The following BICRA variants were observed in gnomAD, a reference collection of about 807,000 sequenced individuals.
BICRA encodes BRD4 interacting chromatin remodeling complex associated protein, also known as BRD4-interacting chromatin-remodeling complex-associated protein.
In BICRA, 31 loss-of-function variants were observed where a neutral mutation model predicts 96.9. The ratio of observed to expected loss-of-function variants is 0.32; its 90% CI spans 0.24 to 0.43. The LOEUF (loss-of-function observed/expected upper bound fraction) is 0.43, where lower values mean the gene tolerates loss of function less well. BICRA is among the 20% of genes least tolerant of loss of function. BICRA has a pLI of 1.00. For missense variants in BICRA, 2,283 were observed against 2,190.3 expected (o/e 1.04, Z -0.84); for synonymous variants, 1,350 against 1,071.8 (o/e 1.26, Z -5.07).
intron 5 of BICRA, among the ~76,000 whole-genome samples, chr19:47,678,736 GTTTT>G (rs112732019): frequency 2.6e-5 from 4 of 151,178 alleles, no homozygotes; most frequent in Non-Finnish European, 5.9e-5. Flanking sequence ...TTGAACAGTA[GTTTT>G]TTTTATTACA....
intron 7 of BICRA, among the ~76,000 whole-genome samples, chr19:47,685,786 T>TGTGTGCGCGCGCACGC: frequency 8.5e-6 from 1 of 117,930 alleles, no homozygotes; most frequent in Non-Finnish European, 1.7e-5. Flanking sequence ...TGTGTGTGTG[T>TGTGTGCGCGCGCACGC]GCGCGCGCGC....
intron 1 of BICRA, among the ~76,000 whole-genome samples, chr19:47,660,789 A>G (rs1972692336): frequency 1.3e-5 from 2 of 152,190 alleles, no homozygotes; most frequent in Admixed American, 6.5e-5. Flanking sequence ...GCTGGGTTCA[A>G]ATCCTGGCTC....
intron 1 of BICRA, among the ~76,000 whole-genome samples, chr19:47,641,523 ACCTGTGGT>A (rs1241636863): frequency 2.6e-5 from 4 of 152,018 alleles, no homozygotes; most frequent in Non-Finnish European, 5.9e-5. Flanking sequence ...TTAGAATCTC[ACCTGTGGT>A]CCTAGCTACT....
At chr19:47,671,126 C>G (rs894344233) in intron 2 of BICRA, among the ~76,000 whole-genome samples, 2 of 152,160 alleles carry the variant, frequency 1.3e-5, no homozygotes, top group Non-Finnish European at 2.9e-5. Context: ...ATGAAACATG[C>G]GTGTGTCATT....
Position 47,701,023 on chromosome 19 carries a change from C to G in BICRA, c.3596-305C>G, listed in dbSNP as rs375990962. 2.3e-6 allele frequency: 1 copy of G among 433,212 alleles called. No individual in the cohort carries two copies. The allele number at this position is 433,212 out of a possible 1,614,324, so 26.8% of individuals were successfully genotyped here. On this transcript the variant is annotated intron_variant, in intron 14 of 14. Transcript: ENST00000594866. The surrounding 1 kb of genome is among the most constrained non-coding windows in gnomAD (Gnocchi z 5.4). Reference sequence around the variant, plus strand: ...AAACTCCTGGGCTCAAGCGATCCCCCTCCCTTGGCCTCCCAAAGTGCTGGG... The same window carrying G: ...AAACTCCTGGGCTCAAGCGATCCCCGTCCCTTGGCCTCCCAAAGTGCTGGG...
At chr19:47,608,865 G>T (rs1293876427), upstream of BICRA, among the ~76,000 whole-genome samples, 6 of 144,464 alleles carry the variant, frequency 4.2e-5, no homozygotes, top group African/African-American at 1.2e-4. Context: ...GAGGAAGGGG[G>T]TGGGGGGCGG....
intron 1 of BICRA, among the ~76,000 whole-genome samples, chr19:47,642,701 CAAAAA>C (rs2123536965): frequency 6.6e-6 from 1 of 151,320 alleles, no homozygotes; most frequent in Middle Eastern, 3.4e-3. Flanking sequence ...GACCCTGTCT[CAAAAA>C]GAAAAGAAAA....
At chr19:47,619,407 C>T (rs985916588) in intron 1 of BICRA, among the ~76,000 whole-genome samples, 7 of 151,796 alleles carry the variant, frequency 4.6e-5, no homozygotes, top group Non-Finnish European at 5.9e-5. Flanking sequence ...TATAGGCGCC[C>T]GCCACCACGC....
chr19:47,694,480 C>A lies in BICRA; in HGVS notation c.2649C>A (p.Ser883=). The change falls in exon 8 of 15, where the codon TCC becomes TCA. Residue 883 remains serine (S), a synonymous_variant. Coordinates refer to ENST00000594866, the MANE Select transcript of BICRA (RefSeq NM_001394372.1). ...LPPAPHLPPS[S]TSSAVASSSE... ...CAGCCCCCCACCTCCCTCCATCCTC[C>A]ACCTCCTCTGCTGTGGCCTCCTCCT... 6.7e-7 allele frequency: 1 copy of A among 1,487,610 alleles called. No homozygotes were observed. The highest frequency in any genetic ancestry group is 9.3e-7 in the Non-Finnish European group (1 of 1,070,934). The allele number at this position is 1,487,610 out of a possible 1,614,324, so 92.2% of individuals were successfully genotyped here.
intron 1 of BICRA, among the ~76,000 whole-genome samples, chr19:47,667,212 G>A (rs1972794436): frequency 6.6e-6 from 1 of 152,016 alleles, no homozygotes; most frequent in Non-Finnish European, 1.5e-5. Context: ...TAGAGACGGG[G>A]TTTCACCATT....
intron 1 of BICRA, among the ~76,000 whole-genome samples, chr19:47,670,054 C>T (rs1378658680): frequency 1.3e-5 from 2 of 152,028 alleles, no homozygotes; most frequent in African/African-American, 2.4e-5. Context: ...TGGGCTCAAG[C>T]GATTCTCCTG....
chr19:47,698,586 T>TTCCCC lies in BICRA; in HGVS notation c.3249-48_3249-47insTCCCC. 2.8e-6 allele frequency: 2 copies of TTCCCC among 716,702 alleles called. No individual in the cohort carries two copies. The highest frequency in any genetic ancestry group is 5.7e-5 in the East Asian group (2 of 34,894). The allele number at this position is 716,702 out of a possible 1,614,324, so 44.4% of individuals were successfully genotyped here. A position where few individuals can be genotyped will look rare whatever the true frequency, so the allele number is the denominator to read the frequency against. ...AGGGACTTCCCCTGGCCCTCACCCGTCCCCCCCACCCTCCGCCGTGTGTGG... is the reference window on the plus strand; with the variant it reads ...AGGGACTTCCCCTGGCCCTCACCCGTTCCCCCCCCCCCACCCTCCGCCGTGTGTGG... On this transcript the variant is annotated intron_variant, in intron 11 of 14. Coordinates refer to ENST00000594866, the MANE Select transcript of BICRA (RefSeq NM_001394372.1). The surrounding 1 kb of genome is among the most constrained non-coding windows in gnomAD (Gnocchi z 4.8).
At chr19:47,673,501 G>A (rs1972896179) in intron 2 of BICRA, 69 bp from the exon 3 acceptor site, 5 of 1,269,572 alleles carry the variant, frequency 3.9e-6, no homozygotes, top group Admixed American at 3.4e-5. Flanking sequence ...CCTGAAGGGA[G>A]GGGGCCAGGC....
chr19:47,635,021 C>G (rs1026886589), intron 1 of BICRA, among the ~76,000 whole-genome samples: 5 of 152,130 alleles, frequency 3.3e-5, no homozygotes, highest in Non-Finnish European at 7.4e-5. Flanking sequence ...CTTGGCCTCC[C>G]AAAGTGCTGG....
rs1973442787 is a variant in BICRA at position 47,701,449 on chromosome 19, TCCA to T, written c.3719_3721del (p.Pro1240del). 1.9e-6 allele frequency: 3 copies of T among 1,568,836 alleles called. No homozygotes were observed. Among genetic ancestry groups the T allele is most frequent in the Non-Finnish European group, 2.6e-6 (3 of 1,158,430 alleles). On this transcript the variant is annotated inframe_deletion, in exon 15 of 15. Coordinates refer to ENST00000594866, the MANE Select transcript of BICRA (RefSeq NM_001394372.1). This position sits in a 1 kb window ranked among gnomAD's most constrained non-coding sequence, Gnocchi z 5.4. ...CTCCCGGGGCCTCCACCCAGCCCCCTCCACACCTGCCCACCAAGCTTGTGATCC... is the reference window on the plus strand; with the variant it reads ...CTCCCGGGGCCTCCACCCAGCCCCCTCACCTGCCCACCAAGCTTGTGATCC...
Position 47,699,242 on chromosome 19 carries a change from G to A in BICRA, c.3493-61G>A. On this transcript the variant is annotated intron_variant, in intron 13 of 14. Transcript: ENST00000594866. This position sits in a 1 kb window ranked among gnomAD's most constrained non-coding sequence, Gnocchi z 5.0. ...GGACCTTGCACGCATCGTCCCCGTC[G>A]CTCGCGCCCCTTCCCCCTTCTTGCT... 3.0e-6 allele frequency: 3 copies of A among 1,001,704 alleles called. No homozygotes were observed. The highest frequency in any genetic ancestry group is 1.4e-5 in the South Asian group (1 of 72,666). The allele number at this position is 1,001,704 out of a possible 1,614,324, so 62.1% of individuals were successfully genotyped here.
chr19:47,673,514 G>A lies in BICRA; in HGVS notation c.-5-56G>A, dbSNP rs1019517824. 4.8e-6 allele frequency: 7 copies of A among 1,460,538 alleles called. No individual in the cohort carries two copies. In the Admixed American group the frequency reaches 1.0e-4, roughly 21 times the overall value. The allele number at this position is 1,460,538 out of a possible 1,614,324, so 90.5% of individuals were successfully genotyped here. Reference sequence around the variant, plus strand: ...CCCCTGAAGGGAGGGGGCCAGGCAAGCTGCCAAAATCTAACCTTGTCTCCC... The same window carrying A: ...CCCCTGAAGGGAGGGGGCCAGGCAAACTGCCAAAATCTAACCTTGTCTCCC... On this transcript the variant is annotated intron_variant, in intron 2 of 14. Transcript: ENST00000594866.
intron 11 of BICRA, among the ~76,000 whole-genome samples, chr19:47,697,209 G>T (rs1158595954): frequency 1.3e-5 from 2 of 152,040 alleles, no homozygotes; most frequent in Non-Finnish European, 2.9e-5. Flanking sequence ...GTTTCACCAT[G>T]TTGGCCTCAA....
chr19:47,611,660 C>G (rs1971909155), intron 1 of BICRA, among the ~76,000 whole-genome samples: 1 of 152,186 alleles, frequency 6.6e-6, no homozygotes, highest in Non-Finnish European at 1.5e-5. Flanking sequence ...ACTTTCTTGC[C>G]TGTTCTCCTT....
Sources: gnomAD v4.1 joint callset for allele counts (sites outside exome capture counted in the v4.1 genomes callset) on GRCh38, gnomAD v4.1.1 for gene constraint, Gnocchi (gnomAD v3.1) non-coding constraint, MANE v1.5 for transcripts, NCBI Gene and HGNC (gene_info 2026-07-23, HGNC 2026-07-21) for gene names.